The following MPPED1 variants were observed in gnomAD, a reference collection of about 807,000 sequenced individuals.
MPPED1 encodes metallophosphoesterase domain containing 1, also known as metallophosphoesterase domain-containing protein 1.
Under a neutral mutation model 36.2 loss-of-function variants are expected in MPPED1, and 16 were observed. The observed-to-expected ratio is 0.44, with a 90% CI of 0.30 to 0.67. The LOEUF is 0.67. Ranked by LOEUF, MPPED1 falls within the 30% of genes least tolerant of loss-of-function variation. The pLI is 0.10. For synonymous variants in MPPED1, 199 were observed against 191.3 expected (o/e 1.04, Z -0.33); for missense variants, 307 against 453.4 (o/e 0.68, Z 2.93).
intron 4 of MPPED1, among the ~76,000 whole-genome samples, chr22:43,479,479 C>G (rs1931682129): frequency 6.6e-6 from 1 of 152,224 alleles, no homozygotes; most frequent in Admixed American, 6.5e-5. Flanking sequence ...TGACAGGAGG[C>G]AGTCTCACCA....
At chr22:43,487,422 G>C (rs951500758) in intron 4 of MPPED1, among the ~76,000 whole-genome samples, 5 of 152,232 alleles carry the variant, frequency 3.3e-5, no homozygotes, top group Non-Finnish European at 7.3e-5. Context: ...ATCCTGAACA[G>C]AATGACCTGG....
chr22:43,456,042 C>T (rs9620142), intron 3 of MPPED1, among the ~76,000 whole-genome samples: 7,453 of 152,208 alleles, frequency 0.049, 476 homozygotes, highest in African/African-American at 0.15. Flanking sequence ...TGTTGGCAAC[C>T]TTTGGCTTCC....
chr22:43,453,954 T>C (rs879569115), intron 3 of MPPED1, among the ~76,000 whole-genome samples: 71 of 152,228 alleles, frequency 4.7e-4, no homozygotes, highest in Admixed American at 2.4e-3. Flanking sequence ...CTCCCTCCTC[T>C]CCCCAGCCCC....
intron 3 of MPPED1, among the ~76,000 whole-genome samples, chr22:43,467,585 T>C (rs1306576120): frequency 6.6e-6 from 1 of 152,212 alleles, no homozygotes; most frequent in Non-Finnish European, 1.5e-5. Context: ...CTGGTGTGTT[T>C]CTAGACCATG....
At chr22:43,470,082 CCCAT>C (rs79499636) in intron 3 of MPPED1, among the ~76,000 whole-genome samples, 4 of 149,744 alleles carry the variant, frequency 2.7e-5, no homozygotes, top group Non-Finnish European at 6.0e-5. Flanking sequence ...CATCCAGCCA[CCCAT>C]CCATCCATCC....
chr22:43,479,636 G>A (rs889055725), intron 4 of MPPED1, among the ~76,000 whole-genome samples: 3 of 152,216 alleles, frequency 2.0e-5, no homozygotes, highest in African/African-American at 7.2e-5. Flanking sequence ...CCCCTTTACA[G>A]GGCCACAGTT....
At chr22:43,445,123 G>A (rs921614579) in intron 3 of MPPED1, among the ~76,000 whole-genome samples, 2 of 152,190 alleles carry the variant, frequency 1.3e-5, no homozygotes, top group African/African-American at 4.8e-5. Flanking sequence ...TGGGTCCTCT[G>A]TAGCATGTTT....
intron 4 of MPPED1, among the ~76,000 whole-genome samples, chr22:43,484,422 C>T (rs1602004748): frequency 6.6e-6 from 1 of 152,140 alleles, no homozygotes; most frequent in East Asian, 1.9e-4. Flanking sequence ...TGGCCTTGGC[C>T]GTCCAGTGGG....
chr22:43,470,523 A>G lies in MPPED1; in HGVS notation c.407-4213A>G, dbSNP rs975960518. 3.9e-5 allele frequency among the ~76,000 whole-genome samples: 6 copies of G among 152,130 alleles called. No individual in the cohort carries two copies. The East Asian group carries it at 9.7e-4, about 24-fold the overall frequency. On this transcript the variant is annotated intron_variant, in intron 3 of 6. Coordinates refer to ENST00000443721, the MANE Select transcript of MPPED1 (RefSeq NM_001044370.2). The stretch of plus-strand genomic sequence containing the variant: ...CTGTAAACCAACCATTCATTCATCC[A>G]TGCATGCATCCATCTATCCATGTGT...
intron 5 of MPPED1, among the ~76,000 whole-genome samples, chr22:43,501,642 G>A (rs1486277095): frequency 6.6e-6 from 1 of 152,128 alleles, no homozygotes; most frequent in African/African-American, 2.4e-5. Flanking sequence ...CTCATGCATG[G>A]TGGGATCCCA....
At chr22:43,456,257 AG>A (rs1259258165) in intron 3 of MPPED1, among the ~76,000 whole-genome samples, 1 of 152,210 alleles carries the variant, frequency 6.6e-6, no homozygotes, top group Non-Finnish European at 1.5e-5. Context: ...TTCACTATTA[AG>A]TATGATGTTA....
In MPPED1 at chr22:43,412,145, G is replaced by A; in HGVS notation, c.-92G>A. On this transcript the variant is annotated 5_prime_UTR_variant, in exon 1 of 7. Transcript: ENST00000443721. The stretch of plus-strand genomic sequence containing the variant: ...CGCAGCCGCCGCGGCCGCCGAAGAG[G>A]AGCCCGGGGCCAGGTAGGACCGGAG... The A allele has an allele frequency of 1.0e-6, 1 of 979,826 alleles. No individual in the cohort carries two copies. Among genetic ancestry groups the A allele is most frequent in the Non-Finnish European group, 1.2e-6 (1 of 827,644 alleles). 60.7% of individuals were successfully genotyped at this position (979,826 alleles called of 1,614,324 possible).
intron 3 of MPPED1, among the ~76,000 whole-genome samples, chr22:43,471,227 G>C (rs1398475573): frequency 6.6e-6 from 1 of 152,250 alleles, no homozygotes; most frequent in Non-Finnish European, 1.5e-5. Context: ...ATGAGCACTG[G>C]CTCTGCACCC....
intron 4 of MPPED1, among the ~76,000 whole-genome samples, chr22:43,495,477 A>G (rs970931445): frequency 6.5e-5 from 1 of 15,364 alleles, no homozygotes; most frequent in African/African-American, 6.5e-4. Context: ...GTGATGGTGG[A>G]GGTGGTGGTG....
intron 2 of MPPED1, among the ~76,000 whole-genome samples, chr22:43,430,386 C>T (rs1415243283): frequency 6.6e-6 from 1 of 152,188 alleles, no homozygotes; most frequent in Non-Finnish European, 1.5e-5. Flanking sequence ...GAAGTTCTCA[C>T]AACATGACAA....
At chr22:43,440,759 C>T (rs539631872) in intron 3 of MPPED1, among the ~76,000 whole-genome samples, 12 of 152,186 alleles carry the variant, frequency 7.9e-5, no homozygotes, top group South Asian at 6.2e-4. Flanking sequence ...GAGGACCCTG[C>T]GCCACCCTTG....
chr22:43,454,542 G>C (rs1930687357), intron 3 of MPPED1, among the ~76,000 whole-genome samples: 3 of 151,694 alleles, frequency 2.0e-5, no homozygotes. Context: ...TGGCTTCAAG[G>C]GATCCTCCTG....
chr22:43,420,621 C>T (rs1329251501), intron 1 of MPPED1, among the ~76,000 whole-genome samples: 5 of 152,062 alleles, frequency 3.3e-5, no homozygotes, highest in African/African-American at 7.2e-5. Context: ...AGGCTGGTCT[C>T]GAACTCCCGA....
At chr22:43,414,237 G>A (rs1929001982) in intron 1 of MPPED1, among the ~76,000 whole-genome samples, 2 of 152,190 alleles carry the variant, frequency 1.3e-5, no homozygotes, top group Non-Finnish European at 2.9e-5. Flanking sequence ...TTCATCCAAT[G>A]AATGTGGCTT....
Sources: gnomAD v4.1 joint callset for allele counts (sites outside exome capture counted in the v4.1 genomes callset) on GRCh38, gnomAD v4.1.1 for gene constraint, MANE v1.5 for transcripts, NCBI Gene and HGNC (gene_info 2026-07-23, HGNC 2026-07-21) for gene names.